CNTN5: variants seen among roughly 807,000 people sequenced by gnomAD.
The protein encoded by CNTN5 is contactin-5.
CNTN5 carries 77 observed loss-of-function variants against 129.1 expected under a neutral mutation model. The observed-to-expected ratio is 0.60, with a 90% CI of 0.50 to 0.72. The LOEUF is 0.72. Among genes scored for constraint, CNTN5 ranks in the 30% least tolerant of loss-of-function variants. The probability of loss-of-function intolerance (pLI) is 0.00; values close to 1 mark genes in which losing one functional copy is unlikely to be tolerated. For missense variants in CNTN5, 1,478 were observed against 1,328.8 expected, an observed-to-expected ratio of 1.11 and a Z score of -1.75; for synonymous variants, 509 against 465.6, an observed-to-expected ratio of 1.09 and a Z score of -1.20.
At chr11:99,899,456 A>G (rs965938597) in intron 6 of CNTN5, among the ~76,000 whole-genome samples, 1 of 151,908 alleles carries the variant, frequency 6.6e-6, no homozygotes, top group Non-Finnish European at 1.5e-5. Context: ...TTTATCCAGT[A>G]CTGTTTTTTG....
intron 3 of CNTN5, among the ~76,000 whole-genome samples, chr11:99,801,538 T>A (rs1400833898): frequency 1.3e-5 from 2 of 152,232 alleles, no homozygotes; most frequent in African/African-American, 4.8e-5. Flanking sequence ...CCAGATAATT[T>A]ACATTTTCTC....
intron 2 of CNTN5, among the ~76,000 whole-genome samples, chr11:99,377,917 A>G (rs571106826): frequency 4.6e-5 from 7 of 152,060 alleles, no homozygotes; most frequent in Non-Finnish European, 1.0e-4. Flanking sequence ...AACAAGTCCC[A>G]TTTCCTCATT....
At chr11:99,569,613 C>T (rs1220300123) in intron 3 of CNTN5, among the ~76,000 whole-genome samples, 1 of 152,136 alleles carries the variant, frequency 6.6e-6, no homozygotes, top group Non-Finnish European at 1.5e-5. Context: ...TTTTTAAGAA[C>T]TTCCAGGCTC....
chr11:100,037,392 G>T (rs1314048332), intron 9 of CNTN5, among the ~76,000 whole-genome samples: 1 of 151,812 alleles, frequency 6.6e-6, no homozygotes, highest in Non-Finnish European at 1.5e-5. Context: ...GAGGATTTTT[G>T]CATCAATGTT....
chr11:99,956,533 A>G (rs976823657), intron 7 of CNTN5, among the ~76,000 whole-genome samples: 66 of 151,924 alleles, frequency 4.3e-4, no homozygotes, highest in Non-Finnish European at 8.4e-4. Flanking sequence ...GTGTTATCAT[A>G]GTTCTGAGTA....
At chr11:99,616,993 C>A (rs1408777264) in intron 3 of CNTN5, among the ~76,000 whole-genome samples, 1 of 152,168 alleles carries the variant, frequency 6.6e-6, no homozygotes, top group South Asian at 2.1e-4. Context: ...TGCCTGTAAT[C>A]CCAGCTACTC....
intron 2 of CNTN5, among the ~76,000 whole-genome samples, chr11:99,465,647 A>G (rs2135253260): frequency 6.7e-6 from 1 of 148,440 alleles, no homozygotes; most frequent in East Asian, 2.0e-4. Context: ...TTTTTTTTAG[A>G]TAAGCTGTAT....
At chr11:100,073,184 C>G (rs942107380) in intron 12 of CNTN5, among the ~76,000 whole-genome samples, 1 of 151,844 alleles carries the variant, frequency 6.6e-6, no homozygotes. Flanking sequence ...GTAGCTGAGA[C>G]TACAGGCACC....
chr11:99,404,576 T>C (rs887696821), intron 2 of CNTN5, among the ~76,000 whole-genome samples: 3 of 152,148 alleles, frequency 2.0e-5, no homozygotes, highest in Non-Finnish European at 2.9e-5. Flanking sequence ...TTATAACCCA[T>C]TATTTAAGTT....
At chr11:99,598,868 A>G (rs1272363205) in intron 3 of CNTN5, among the ~76,000 whole-genome samples, 3 of 152,116 alleles carry the variant, frequency 2.0e-5, no homozygotes, top group Non-Finnish European at 4.4e-5. Context: ...AAGCAATGAC[A>G]TATTTCATTT....
intron 3 of CNTN5, among the ~76,000 whole-genome samples, chr11:99,648,996 C>G (rs900241752): frequency 6.6e-6 from 1 of 151,518 alleles, no homozygotes; most frequent in Non-Finnish European, 1.5e-5. Flanking sequence ...TTCTATAACA[C>G]TATGGCATAA....
Position 100,357,228 on chromosome 11 carries a change from A to G in CNTN5, c.*1008A>G, listed in dbSNP as rs1016564140. ...GATTAAAATGGTTCAAGTATAACAA[A>G]TAAGTTTTGATTTTTAAAAACAGTT... On this transcript the variant is annotated 3_prime_UTR_variant, in exon 25 of 25. Transcript: ENST00000524871. The G allele has an allele frequency of 6.6e-6, 1 of 151,836 alleles. No individual in the cohort carries two copies. Among genetic ancestry groups the G allele is most frequent in the Non-Finnish European group, 1.5e-5 (1 of 67,800 alleles). The allele number at this position is 151,836 out of a possible 1,614,324, so 9.4% of individuals were successfully genotyped here.
intron 24 of CNTN5, among the ~76,000 whole-genome samples, chr11:100,351,966 G>C (rs1460582988): frequency 6.6e-6 from 1 of 151,480 alleles, no homozygotes; most frequent in Admixed American, 6.6e-5. Context: ...AAAAGAATGA[G>C]ACAGACTGGA....
At chr11:99,515,132 G>A (rs1369114985) in intron 2 of CNTN5, among the ~76,000 whole-genome samples, 1 of 151,976 alleles carries the variant, frequency 6.6e-6, no homozygotes, top group African/African-American at 2.4e-5. Flanking sequence ...TAAAAGCTCT[G>A]TTGGTTCAGT....
intron 2 of CNTN5, among the ~76,000 whole-genome samples, chr11:99,415,910 T>C (rs1942637772): frequency 6.6e-6 from 1 of 152,024 alleles, no homozygotes; most frequent in Admixed American, 6.6e-5. Context: ...ACTCAAAGAG[T>C]CAATTAATTC....
At chr11:99,899,260 A>T (rs530673430) in intron 6 of CNTN5, among the ~76,000 whole-genome samples, 1 of 152,094 alleles carries the variant, frequency 6.6e-6, no homozygotes, top group African/African-American at 2.4e-5. Flanking sequence ...TTCCAGTATT[A>T]TATTGAATAG....
chr11:100,019,877 A>G (rs902408311), intron 9 of CNTN5, among the ~76,000 whole-genome samples: 2 of 151,974 alleles, frequency 1.3e-5, no homozygotes, highest in African/African-American at 4.8e-5. Context: ...TGTAAAAGTC[A>G]TTCTAAGACA....
chr11:100,154,467 G>T (rs1341864611), intron 13 of CNTN5, among the ~76,000 whole-genome samples: 3 of 152,112 alleles, frequency 2.0e-5, no homozygotes, highest in African/African-American at 7.2e-5. Context: ...GTTGTGAACA[G>T]TGCCACAATA....
At chr11:100,103,974 A>C (rs950217111) in intron 13 of CNTN5, among the ~76,000 whole-genome samples, 5 of 152,218 alleles carry the variant, frequency 3.3e-5, no homozygotes, top group African/African-American at 1.2e-4. Context: ...TTACAAAGTC[A>C]CAGAATATAC....
Sources: gnomAD v4.1 joint callset for allele counts (sites outside exome capture counted in the v4.1 genomes callset) on GRCh38, gnomAD v4.1.1 for gene constraint, MANE v1.5 for transcripts, NCBI Gene and HGNC (gene_info 2026-07-23, HGNC 2026-07-21) for gene names.